Variants in SOS2 observed in about 807,000 individuals in gnomAD.
SOS2 encodes the protein son of sevenless homolog 2.
In SOS2, 65 loss-of-function variants were observed where a neutral mutation model predicts 148.2. The ratio of observed to expected loss-of-function variants is 0.44; its 90% CI spans 0.36 to 0.54. The LOEUF (loss-of-function observed/expected upper bound fraction) is 0.54. SOS2 is among the 20% of genes least tolerant of loss of function. The probability of loss-of-function intolerance (pLI) is 0.00; values close to 1 mark genes in which losing one functional copy is unlikely to be tolerated. For synonymous variants in SOS2, 539 were observed against 537.1 expected, an observed-to-expected ratio of 1.00 and a Z score of -0.05; for missense variants, 1,341 against 1,590.2, an observed-to-expected ratio of 0.84 and a Z score of 2.67.
intron 7 of SOS2, 88 bp from the exon 8 acceptor site, chr14:50,174,640 T>C: frequency 1.7e-6 from 1 of 587,614 alleles, no homozygotes; most frequent in African/African-American, 1.9e-5. Context: ...CTACTAAAAA[T>C]TTGAGATACA....
chr14:50,147,042 CA>C (rs71118846), intron 14 of SOS2, among the ~76,000 whole-genome samples: 25 of 145,804 alleles, frequency 1.7e-4, no homozygotes, highest in Admixed American at 2.8e-4. Flanking sequence ...AAAAATAAAA[CA>C]AAAAAAAAAA....
chr14:50,226,636 T>C (rs528520027), intron 1 of SOS2, among the ~76,000 whole-genome samples: 8 of 152,338 alleles, frequency 5.3e-5, no homozygotes, highest in South Asian at 4.1e-4. Flanking sequence ...CTGAATCTAA[T>C]TGGACTCAGG....
chr14:50,202,323 G>C (rs1013280700), intron 2 of SOS2, among the ~76,000 whole-genome samples: 6 of 152,150 alleles, frequency 3.9e-5, no homozygotes, highest in African/African-American at 1.4e-4. Context: ...GAACTACTGA[G>C]ATCTGAATTA....
intron 7 of SOS2, among the ~76,000 whole-genome samples, chr14:50,176,511 T>C (rs1301818449): frequency 2.0e-5 from 3 of 152,254 alleles, no homozygotes; most frequent in Non-Finnish European, 4.4e-5. Flanking sequence ...TTTTGTAGCA[T>C]GTATTTACAG....
chr14:50,197,703 T>TA (rs1169495052), intron 4 of SOS2, among the ~76,000 whole-genome samples: 1 of 151,146 alleles, frequency 6.6e-6, no homozygotes, highest in Non-Finnish European at 1.5e-5. Context: ...TTTTTTTTTT[T>TA]TTTTTGAAAC....
intron 2 of SOS2, 42 bp from the exon 3 acceptor site, chr14:50,201,126 G>T (rs1886472588): frequency 6.3e-7 from 1 of 1,580,026 alleles, no homozygotes; most frequent in Non-Finnish European, 8.6e-7. Flanking sequence ...TAATAAAAGT[G>T]TTCATAAATA....
chr14:50,159,909 A>G lies in SOS2; in HGVS notation c.1374T>C (p.His458=), dbSNP rs1884940088. Reference sequence around the variant, plus strand: ...TCATTAAGCCATCAAACAGAAAAATATGCCGTTCATGTTTGGCACCGATTC... The same window carrying G: ...TCATTAAGCCATCAAACAGAAAAATGTGCCGTTCATGTTTGGCACCGATTC... ...LTRIGAKHER[H]IFLFDGLMIS... The change falls in exon 10 of 23, where the codon CAT becomes CAC. Residue 458 remains histidine (H), a synonymous_variant. Transcript: ENST00000216373. The G allele has an allele frequency of 6.2e-7, 1 of 1,614,052 alleles. No homozygotes were observed. Among genetic ancestry groups the G allele is most frequent in the African/African-American group, 1.3e-5 (1 of 74,924 alleles).
chr14:50,151,890 A>G (rs1884673838), intron 13 of SOS2, among the ~76,000 whole-genome samples: 1 of 151,836 alleles, frequency 6.6e-6, no homozygotes, highest in Non-Finnish European at 1.5e-5. Flanking sequence ...TGCTTGGCTA[A>G]TTTTCATATT....
intron 1 of SOS2, among the ~76,000 whole-genome samples, chr14:50,208,375 G>A (rs1385280803): frequency 6.6e-6 from 1 of 152,054 alleles, no homozygotes; most frequent in African/African-American, 2.4e-5. Context: ...CAATAGGCTG[G>A]GTGCGGTGGC....
rs113460230 is a variant in SOS2, at chr14:50,188,620, T to C, written c.591A>G (p.Leu197=). The C allele has an allele frequency of 9.1e-3, 14,628 of 1,610,384 alleles. 91 individuals are homozygous for C. The highest frequency in any genetic ancestry group is 0.011 in the Non-Finnish European group (12,480 of 1,177,618). Reference sequence around the variant, plus strand: ...CAGTTCTGACAAGATCATAGTAGTTTAATTCACCAGAAGAACTAGGTTCAT... The same window carrying C: ...CAGTTCTGACAAGATCATAGTAGTTCAATTCACCAGAAGAACTAGGTTCAT... ...CEDEPSSSGE[L]NYYDLVRTEI... The change falls in exon 5 of 23, where the codon TTA becomes TTG. Residue 197 remains leucine (L), a synonymous_variant. Transcript: ENST00000216373.
At chr14:50,189,748 ACTT>A (rs1194344014) in intron 4 of SOS2, among the ~76,000 whole-genome samples, 2 of 152,178 alleles carry the variant, frequency 1.3e-5, no homozygotes, top group South Asian at 2.1e-4. Context: ...TGTAGCAACC[ACTT>A]CTTCTTTCAG....
rs1182163460 is a variant in SOS2 at position 50,160,034 on chromosome 14, T to C, written c.1249A>G (p.Ile417Val). The change falls in exon 10 of 23, where the codon ATC becomes GTC. Residue 417 changes from isoleucine to valine, a missense_variant. By Grantham distance (29) the Ile-to-Val change is conservative (BLOSUM62 3). This residue lies in a region of SOS2 where 574 missense variants were observed against 711.1 expected (regional missense o/e 0.81). Transcript: ENST00000216373. ...SHQLRSKHLA[I>V]KKMNEIQKNI... ...TTCTGAATTTCATTCATTTTTTTGA[T>C]AGCCAGGTGTTTGCTTCTTAATTGG... 1 of 1,613,910 alleles carries C rather than the reference T, an allele frequency of 6.2e-7. No individual in the cohort carries two copies. The highest frequency in any genetic ancestry group is 8.5e-7 in the Non-Finnish European group (1 of 1,179,974).
intron 17 of SOS2, among the ~76,000 whole-genome samples, chr14:50,139,481 C>T (rs984651270): frequency 6.6e-6 from 1 of 152,138 alleles, no homozygotes; most frequent in Non-Finnish European, 1.5e-5. Context: ...CACACGACAG[C>T]CCATCACAAC....
intron 20 of SOS2, among the ~76,000 whole-genome samples, 198 bp from the exon 21 acceptor site, chr14:50,130,200 C>T (rs758636278): frequency 3.9e-5 from 6 of 152,168 alleles, no homozygotes; most frequent in Non-Finnish European, 7.4e-5. Context: ...GGTTCCCCCT[C>T]TATCACAGAA....
chr14:50,134,299 A>T, intron 18 of SOS2, 60 bp from the exon 19 acceptor site: 5 of 797,080 alleles, frequency 6.3e-6, no homozygotes, highest in Non-Finnish European at 1.0e-5. Flanking sequence ...AGATCTTATT[A>T]AAATAAGATC....
At position 50,231,235 on chromosome 14, in the gene SOS2, G is replaced by C. The variant is rs750929787; in HGVS notation, c.49C>G (p.Pro17Ala). 1 of 1,515,712 alleles carries C rather than the reference G, an allele frequency of 6.6e-7. No homozygotes were observed. Among genetic ancestry groups the C allele is most frequent in the East Asian group, 2.5e-5 (1 of 39,350 alleles). The allele number at this position is 1,515,712 out of a possible 1,614,324, so 93.9% of individuals were successfully genotyped here. ...GAGACCAACAGTCCCCGCCATTTCGGACTGTTCTCCTCGCTGAAGAACTCG... is the reference window on the plus strand; with the variant it reads ...GAGACCAACAGTCCCCGCCATTTCGCACTGTTCTCCTCGCTGAAGAACTCG... The part of the protein sequence containing the change: ...PYEFFSEENS[P>A]KWRGLLVSAL... Residue 17 changes from proline to alanine, a missense_variant, in exon 1 of 23, where the codon CCG becomes GCG. Pro to Ala is a conservative substitution (Grantham distance 27). Around this residue, in one of 4 missense-constraint regions of SOS2, gnomAD observed 574 missense variants for 711.1 expected, o/e 0.81. Coordinates refer to ENST00000216373, the MANE Select transcript of SOS2 (RefSeq NM_006939.4).
intron 8 of SOS2, among the ~76,000 whole-genome samples, chr14:50,171,114 C>CA (rs61570128): frequency 0.23 from 30,256 of 129,074 alleles, 3,616 homozygotes; most frequent in East Asian, 0.5. Flanking sequence ...AACTCCATCT[C>CA]AAAAAAAAAA....
intron 3 of SOS2, 107 bp downstream of exon 3, chr14:50,200,846 T>A (rs894224695): frequency 2.1e-6 from 2 of 957,348 alleles, no homozygotes; most frequent in African/African-American, 3.3e-5. Context: ...GAAGTGCACA[T>A]ATACACACTA....
chr14:50,183,170 A>T (rs1885797820), intron 5 of SOS2, among the ~76,000 whole-genome samples: 1 of 152,184 alleles, frequency 6.6e-6, no homozygotes, highest in Non-Finnish European at 1.5e-5. Context: ...AGAGAGTAAA[A>T]TATGAATGTT....
Sources: allele counts gnomAD v4.1 joint callset (sites outside exome capture counted in the v4.1 genomes callset), GRCh38; gene constraint gnomAD v4.1.1; regional missense constraint gnomAD v4.1.1; transcripts MANE v1.5; gene names NCBI Gene and HGNC (gene_info 2026-07-23, HGNC 2026-07-21).